Variants in EXOC6B observed in about 807,000 individuals in gnomAD.
EXOC6B encodes exocyst complex component 6B, also known as SEC15 homolog B.
A neutral mutation model predicts 113.5 loss-of-function variants in EXOC6B; 54 were observed. The ratio of observed to expected loss-of-function variants is 0.48; its 90% CI spans 0.38 to 0.60. EXOC6B has a LOEUF of 0.60. Among genes scored for constraint, EXOC6B ranks in the 20% least tolerant of loss-of-function variants. EXOC6B has a pLI of 0.00. For missense variants in EXOC6B, 797 were observed against 977.5 expected, an observed-to-expected ratio of 0.82 and a Z score of 2.46; for synonymous variants, 357 against 339.0, an observed-to-expected ratio of 1.05 and a Z score of -0.58.
At chr2:72,738,500 A>T (rs920469538) in intron 2 of EXOC6B, among the ~76,000 whole-genome samples, 5 of 152,208 alleles carry the variant, frequency 3.3e-5, no homozygotes, top group Non-Finnish European at 7.3e-5. Flanking sequence ...ATTTTGTATT[A>T]ATGTGTACAC....
chr2:72,652,405 C>A (rs1179760661), intron 6 of EXOC6B, among the ~76,000 whole-genome samples: 1 of 152,102 alleles, frequency 6.6e-6, no homozygotes, highest in East Asian at 1.9e-4. Context: ...TGCAGCTGCA[C>A]AGAAAGCTAA....
chr2:72,632,827 T>C (rs931507405), intron 6 of EXOC6B, among the ~76,000 whole-genome samples: 4 of 152,082 alleles, frequency 2.6e-5, no homozygotes, highest in South Asian at 2.1e-4. Flanking sequence ...GACTACAGGT[T>C]TGTGTCACCA....
intron 8 of EXOC6B, among the ~76,000 whole-genome samples, chr2:72,541,003 G>T (rs906415636): frequency 1.4e-4 from 21 of 152,100 alleles, no homozygotes; most frequent in Non-Finnish European, 2.4e-4. Flanking sequence ...GATATGGTTT[G>T]GTTGTGTCCC....
chr2:72,202,334 T>C (rs970505146), intron 20 of EXOC6B, among the ~76,000 whole-genome samples: 1 of 152,222 alleles, frequency 6.6e-6, no homozygotes, highest in Non-Finnish European at 1.5e-5. Flanking sequence ...AAAAAGCAAC[T>C]AAAAACTGCC....
intron 1 of EXOC6B, among the ~76,000 whole-genome samples, chr2:72,741,880 A>C (rs375998706): frequency 5.9e-5 from 9 of 152,346 alleles, no homozygotes; most frequent in African/African-American, 2.2e-4. Flanking sequence ...GTAGCCATGT[A>C]ACTACAAATC....
At chr2:72,656,328 T>C (rs577764773) in intron 6 of EXOC6B, among the ~76,000 whole-genome samples, 20 of 152,098 alleles carry the variant, frequency 1.3e-4, no homozygotes, top group Non-Finnish European at 2.2e-4. Context: ...TGAAAACATA[T>C]ATTATCAGAT....
intron 6 of EXOC6B, among the ~76,000 whole-genome samples, chr2:72,660,327 G>A (rs967000644): frequency 2.0e-5 from 3 of 152,020 alleles, no homozygotes; most frequent in African/African-American, 7.2e-5. Context: ...CTCAGCCTTA[G>A]GAAAATTAGT....
chr2:72,326,504 G>C (rs953641358), intron 20 of EXOC6B, among the ~76,000 whole-genome samples: 1 of 152,046 alleles, frequency 6.6e-6, no homozygotes, highest in African/African-American at 2.4e-5. Context: ...CAATTGCTAG[G>C]TGGCTTACTA....
intron 20 of EXOC6B, among the ~76,000 whole-genome samples, chr2:72,261,688 G>T (rs2104584739): frequency 6.6e-6 from 1 of 152,224 alleles, no homozygotes; most frequent in Middle Eastern, 3.4e-3. Flanking sequence ...CAACGCAAAA[G>T]TAAGTATATA....
At chr2:72,323,831 G>A (rs1257633454) in intron 20 of EXOC6B, among the ~76,000 whole-genome samples, 2 of 148,672 alleles carry the variant, frequency 1.3e-5, no homozygotes, top group Admixed American at 1.3e-4. Context: ...ACCAGGGCCT[G>A]TTGGGGGTGG....
chr2:72,642,540 C>G (rs1032725021), intron 6 of EXOC6B, among the ~76,000 whole-genome samples: 1 of 148,302 alleles, frequency 6.7e-6, no homozygotes, highest in Non-Finnish European at 1.5e-5. Context: ...ATAAATGGTG[C>G]TGGGAAAACT....
In EXOC6B at chr2:72,741,428, T is replaced by C. The variant is rs1441050917; in HGVS notation, c.155A>G (p.Lys52Arg). The C allele has an allele frequency of 6.2e-7, 1 of 1,613,596 alleles. No homozygotes were observed. The highest frequency in any genetic ancestry group is 1.1e-5 in the South Asian group (1 of 91,038). The change falls in exon 2 of 22, where the codon AAG (lysine) becomes AGG (arginine). Residue 52 changes from lysine to arginine, a missense_variant. By Grantham distance (26) the Lys-to-Arg change is conservative. Transcript: ENST00000272427. Reference protein sequence around the residue: ...DGEEHGRFMEKLETRIRNHDR... With the variant: ...DGEEHGRFMERLETRIRNHDR... The stretch of plus-strand genomic sequence containing the variant: ...GTGATTACGGATACGAGTTTCAAGC[T>C]TCTCCATGAAACGTCCATGTTCTTC...
At chr2:72,517,226 G>A (rs1433974187) in intron 8 of EXOC6B, among the ~76,000 whole-genome samples, 2 of 152,104 alleles carry the variant, frequency 1.3e-5, no homozygotes, top group Admixed American at 6.6e-5. Flanking sequence ...ATAAAACCTT[G>A]TTTATGGAAA....
intron 6 of EXOC6B, among the ~76,000 whole-genome samples, chr2:72,683,883 T>C (rs755411734): frequency 1.3e-5 from 2 of 152,174 alleles, no homozygotes; most frequent in Admixed American, 1.3e-4. Flanking sequence ...GCTTCGCCCA[T>C]GTCCCAAAAC....
intron 20 of EXOC6B, among the ~76,000 whole-genome samples, chr2:72,203,185 G>T (rs1220087559): frequency 6.6e-6 from 1 of 152,152 alleles, no homozygotes; most frequent in East Asian, 1.9e-4. Context: ...GATTTACAAT[G>T]CCTCTTCTTT....
rs371492811 is a variant in EXOC6B, at chr2:72,243,657, G to A, written c.2197-59470C>T. On this transcript the variant is annotated intron_variant, in intron 20 of 21. Transcript: ENST00000272427. ...TACCTAATGTGAATGACAAATTAAT[G>A]GGTGCAGCACACCAACATGGCACAT... Among the ~76,000 whole-genome samples, 38 of 152,190 alleles carry A rather than the reference G, an allele frequency of 2.5e-4. No individual in the cohort carries two copies. In the East Asian group the frequency reaches 7.3e-3, roughly 29 times the overall value.
At chr2:72,517,164 G>A (rs1701255698) in intron 8 of EXOC6B, among the ~76,000 whole-genome samples, 1 of 152,166 alleles carries the variant, frequency 6.6e-6, no homozygotes, top group African/African-American at 2.4e-5. Context: ...TTCTGCTGGT[G>A]TAGTGCAAAA....
intron 17 of EXOC6B, among the ~76,000 whole-genome samples, chr2:72,474,048 T>G (rs619343): frequency 0.16 from 23,701 of 151,570 alleles, 2,582 homozygotes; most frequent in African/African-American, 0.31. Context: ...TTGCCCAACA[T>G]GTTTTTTTTT....
chr2:72,749,658 G>C (rs139900945), intron 1 of EXOC6B, among the ~76,000 whole-genome samples: 46 of 151,962 alleles, frequency 3.0e-4, no homozygotes, highest in African/African-American at 9.6e-4. Flanking sequence ...TGTGTATTAA[G>C]TATTGAAACA....
Sources: gnomAD v4.1 joint callset for allele counts (sites outside exome capture counted in the v4.1 genomes callset) on GRCh38, gnomAD v4.1.1 for gene constraint, MANE v1.5 for transcripts, NCBI Gene and HGNC (gene_info 2026-07-23, HGNC 2026-07-21) for gene names.